Variants in PRMT3 observed in about 807,000 individuals in gnomAD.
PRMT3 encodes protein arginine N-methyltransferase 3.
PRMT3 carries 62 observed loss-of-function variants against 71.9 expected under a neutral mutation model. The observed-to-expected ratio is 0.86, with a 90% CI of 0.70 to 1.07. The LOEUF (loss-of-function observed/expected upper bound fraction) is 1.07. PRMT3 is among the 50% of genes least tolerant of loss of function. The probability of loss-of-function intolerance (pLI) is 0.00; values close to 1 mark genes in which losing one functional copy is unlikely to be tolerated. For synonymous variants in PRMT3, 213 were observed against 220.4 expected (o/e 0.97, Z 0.30); for missense variants, 663 against 643.0 (o/e 1.03, Z -0.34).
At chr11:20,397,850 C>T in intron 7 of PRMT3, 129 bp downstream of exon 7, 1 of 887,966 alleles carries the variant, frequency 1.1e-6, no homozygotes, top group Non-Finnish European at 1.6e-6. Context: ...TTAAACACCT[C>T]TTTGGTGCTT....
Position 20,455,923 on chromosome 11 carries a change from A to G in PRMT3, c.1072+3715A>G, listed in dbSNP as rs960109028. ...TTCAGATAATCAAAGATTAAATGCAAGATAAGTCAAATGCTAAAAATACTA... is the reference window on the plus strand; with the variant it reads ...TTCAGATAATCAAAGATTAAATGCAGGATAAGTCAAATGCTAAAAATACTA... On this transcript the variant is annotated intron_variant, in intron 11 of 15. Transcript: ENST00000331079. 1.3e-5 allele frequency among the ~76,000 whole-genome samples: 2 copies of G among 152,174 alleles called. 1 individual carries two copies. Among genetic ancestry groups the G allele is most frequent in the African/African-American group, 4.8e-5 (2 of 41,462 alleles).
intron 13 of PRMT3, among the ~76,000 whole-genome samples, chr11:20,487,878 A>G (rs561161469): frequency 4.6e-5 from 7 of 152,236 alleles, no homozygotes; most frequent in Non-Finnish European, 7.3e-5. Flanking sequence ...GCAATCCCAA[A>G]TAAATTTAAA....
At chr11:20,454,926 C>T (rs2133391183) in intron 11 of PRMT3, among the ~76,000 whole-genome samples, 1 of 152,202 alleles carries the variant, frequency 6.6e-6, no homozygotes, top group East Asian at 1.9e-4. Flanking sequence ...ACCCCATTAT[C>T]AATCAAGCAA....
intron 8 of PRMT3, among the ~76,000 whole-genome samples, chr11:20,403,697 G>A (rs576531112): frequency 1.3e-5 from 2 of 151,782 alleles, no homozygotes; most frequent in South Asian, 2.1e-4. Context: ...CTTCCTGATG[G>A]GAAACTAGTC....
At chr11:20,417,014 A>G (rs562963265) in intron 9 of PRMT3, among the ~76,000 whole-genome samples, 1 of 152,266 alleles carries the variant, frequency 6.6e-6, no homozygotes, top group Non-Finnish European at 1.5e-5. Context: ...TAGTCCCTTT[A>G]TCACTCCCAC....
chr11:20,501,869 A>G (rs914680239), intron 15 of PRMT3, among the ~76,000 whole-genome samples: 12 of 152,098 alleles, frequency 7.9e-5, no homozygotes, highest in Admixed American at 2.0e-4. Context: ...AAATCAGGCT[A>G]TTTCTCTTTA....
intron 10 of PRMT3, among the ~76,000 whole-genome samples, chr11:20,440,912 T>A (rs1327569913): frequency 1.3e-5 from 2 of 152,152 alleles, no homozygotes; most frequent in African/African-American, 4.8e-5. Flanking sequence ...TTAATATTGA[T>A]AAAGTCTAAT....
intron 10 of PRMT3, among the ~76,000 whole-genome samples, chr11:20,428,524 T>C (rs967200809): frequency 2.0e-5 from 3 of 152,224 alleles, no homozygotes; most frequent in South Asian, 2.1e-4. Flanking sequence ...TGAAAGATGA[T>C]CTAGAATTAT....
At chr11:20,477,346 C>CGGGCAGATCACCTGAGGT (rs1248014032) in intron 13 of PRMT3, among the ~76,000 whole-genome samples, 1 of 152,012 alleles carries the variant, frequency 6.6e-6, no homozygotes, top group African/African-American at 2.4e-5. Context: ...GAGGCTGAGG[C>CGGGCAGATCACCTGAGGT]GGGCAGATCA....
intron 10 of PRMT3, among the ~76,000 whole-genome samples, chr11:20,436,698 A>G (rs959962722): frequency 1.3e-4 from 19 of 149,932 alleles, no homozygotes; most frequent in Admixed American, 4.0e-4. Context: ...TTTGTTAAGG[A>G]CTTTTACATC....
chr11:20,401,032 A>G (rs979194425), intron 7 of PRMT3, among the ~76,000 whole-genome samples: 12 of 152,090 alleles, frequency 7.9e-5, no homozygotes, highest in Admixed American at 2.6e-4. Flanking sequence ...ACAAGACACT[A>G]TGTTTTGTAT....
At chr11:20,480,937 A>G (rs1850916756) in intron 13 of PRMT3, among the ~76,000 whole-genome samples, 1 of 152,180 alleles carries the variant, frequency 6.6e-6, no homozygotes, top group Non-Finnish European at 1.5e-5. Context: ...TTATGTAAGT[A>G]GTGATATCCA....
At chr11:20,487,032 G>T (rs1322068298) in intron 13 of PRMT3, among the ~76,000 whole-genome samples, 2 of 148,566 alleles carry the variant, frequency 1.3e-5, no homozygotes, top group African/African-American at 5.0e-5. Flanking sequence ...ACTCCAACCT[G>T]GGCAATAGAG....
intron 10 of PRMT3, among the ~76,000 whole-genome samples, chr11:20,447,574 G>C (rs867079090): frequency 6.6e-6 from 1 of 152,072 alleles, no homozygotes; most frequent in Non-Finnish European, 1.5e-5. Context: ...GATTTTCTTG[G>C]AGAGGTGACA....
At chr11:20,426,060 G>A (rs117655077) in intron 9 of PRMT3, among the ~76,000 whole-genome samples, 2 of 152,298 alleles carry the variant, frequency 1.3e-5, no homozygotes, top group East Asian at 3.9e-4. Context: ...ACAGAAGAAG[G>A]GGAAATATTG....
rs184633929 is a variant in PRMT3 at position 20,416,668 on chromosome 11, G to T, written c.893+8636G>T. Reference sequence around the variant, plus strand: ...ATTTTTATATTTTTTCACTTTATTAGAACTGAGTTATTGCTAATTTCGAAC... The same window carrying T: ...ATTTTTATATTTTTTCACTTTATTATAACTGAGTTATTGCTAATTTCGAAC... On this transcript the variant is annotated intron_variant, in intron 9 of 15. Transcript: ENST00000331079. Among the ~76,000 whole-genome samples, 167 of 152,086 alleles carry T rather than the reference G, an allele frequency of 1.1e-3. 1 individual carries two copies. Among genetic ancestry groups the T allele is most frequent in the African/African-American group, 3.6e-3 (150 of 41,506 alleles).
At chr11:20,449,263 A>G (rs1040662313) in intron 10 of PRMT3, among the ~76,000 whole-genome samples, 22 of 152,186 alleles carry the variant, frequency 1.4e-4, no homozygotes, top group African/African-American at 5.3e-4. Flanking sequence ...TATTTTCACA[A>G]TGAATAGTGG....
intron 2 of PRMT3, 27 bp from the exon 3 acceptor site, chr11:20,389,717 C>G: frequency 2.6e-6 from 4 of 1,517,294 alleles, no homozygotes; most frequent in Non-Finnish European, 3.7e-6. Context: ...GGGGACTATT[C>G]CATGAAGCTA....
At chr11:20,478,429 A>G (rs778311817) in intron 13 of PRMT3, among the ~76,000 whole-genome samples, 27 of 151,966 alleles carry the variant, frequency 1.8e-4, no homozygotes, top group Non-Finnish European at 1.8e-4. Flanking sequence ...TCAGTTCTCA[A>G]TTCAGTTCTT....
Sources: gnomAD v4.1 joint callset for allele counts (sites outside exome capture counted in the v4.1 genomes callset) on GRCh38, gnomAD v4.1.1 for gene constraint, MANE v1.5 for transcripts, NCBI Gene and HGNC (gene_info 2026-07-23, HGNC 2026-07-21) for gene names.